Variants in ABL1 observed in about 807,000 individuals in gnomAD.
The protein encoded by ABL1 is ABL proto-oncogene 1, non-receptor tyrosine kinase.
In ABL1, 11 loss-of-function variants were observed where a neutral mutation model predicts 94.7. The observed-to-expected ratio is 0.12, with a 90% CI of 0.07 to 0.19. ABL1 has a LOEUF of 0.19. ABL1 is among the 10% of genes least tolerant of loss of function. ABL1 has a pLI of 1.00. For missense variants in ABL1, 1,082 were observed against 1,489.4 expected, an observed-to-expected ratio of 0.73 and a Z score of 4.50; for synonymous variants, 656 against 622.4, an observed-to-expected ratio of 1.05 and a Z score of -0.80.
chr9:130,866,859 G>T (rs1479315554), intron 4 of ABL1, among the ~76,000 whole-genome samples: 2 of 152,132 alleles, frequency 1.3e-5, no homozygotes, highest in African/African-American at 4.8e-5. Flanking sequence ...TTTTTGAGGT[G>T]GGGGAACGGG....
intron 1 of ABL1, among the ~76,000 whole-genome samples, chr9:130,717,134 C>A (rs1245323888): frequency 1.3e-5 from 2 of 152,024 alleles, no homozygotes; most frequent in Non-Finnish European, 1.5e-5. Context: ...CCTCCACCTC[C>A]CAGGTTTAAG....
In ABL1 at chr9:130,749,304, C is replaced by T. The variant is rs369459480; in HGVS notation, c.136+34849C>T. Among the ~76,000 whole-genome samples the T allele has an allele frequency of 1.2e-4, 19 of 152,176 alleles. 3 individuals carry two copies. The highest frequency in any genetic ancestry group is 5.9e-4 in the Admixed American group (9 of 15,278). On this transcript the variant is annotated intron_variant, in intron 1 of 10. Coordinates refer to the ABL1 transcript ENST00000372348. ...AGGCAATGCAGAGTAGAATAATGAA[C>T]GGATACTATAAATGACATATCTTGA...
intron 7 of ABL1, among the ~76,000 whole-genome samples, chr9:130,877,938 G>A (rs553740102): frequency 4.0e-5 from 6 of 151,606 alleles, no homozygotes; most frequent in East Asian, 3.9e-4. Context: ...TCAGCCTCCC[G>A]AGTAGCTGGG....
In ABL1 at chr9:130,725,526, A is replaced by G. The variant is rs150122557; in HGVS notation, c.136+11071A>G. Among the ~76,000 whole-genome samples the G allele has an allele frequency of 8.0e-3, 1,222 of 152,146 alleles. 16 individuals carry two copies. Among genetic ancestry groups the G allele is most frequent in the African/African-American group, 0.027 (1,133 of 41,526 alleles). ...CTCCCAAGTAGCTGGGATTACAGGC[A>G]TGTGCCACCATGCCTGGCTAATTTT... On this transcript the variant is annotated intron_variant, in intron 1 of 10. Transcript: ENST00000372348.
intron 1 of ABL1, among the ~76,000 whole-genome samples, chr9:130,783,504 T>C (rs1564288897): frequency 6.6e-6 from 1 of 152,194 alleles, no homozygotes; most frequent in Non-Finnish European, 1.5e-5. Context: ...TAAGTGGCTG[T>C]GAATTAGAAA....
chr9:130,883,629 C>G (rs1375079235), intron 10 of ABL1, among the ~76,000 whole-genome samples: 1 of 152,148 alleles, frequency 6.6e-6, no homozygotes, highest in East Asian at 1.9e-4. Flanking sequence ...ACCCACATCA[C>G]TCTCTAGTGA....
chr9:130,790,465 T>TTTTA (rs57807270), intron 1 of ABL1, among the ~76,000 whole-genome samples: 29,463 of 147,752 alleles, frequency 0.2, 3,313 homozygotes, highest in East Asian at 0.37. Flanking sequence ...TTCATTTTTA[T>TTTTA]TTTATTTATT....
At position 130,880,752 on chromosome 9, in the gene ABL1, T is replaced by C; in HGVS notation, c.1678+88T>C. The C allele has an allele frequency of 6.7e-7, 1 of 1,483,210 alleles. No homozygotes were observed. The highest frequency in any genetic ancestry group is 9.1e-7 in the Non-Finnish European group (1 of 1,101,742). The allele number at this position is 1,483,210 out of a possible 1,614,324, so 91.9% of individuals were successfully genotyped here. A position where few individuals can be genotyped will look rare whatever the true frequency, so the allele number is the denominator to read the frequency against. ...GCCATCATAGGCCAACGGGAAGCTG[T>C]GAATGGAGCCCGCACAGAAGGGCAG... On this transcript the variant is annotated intron_variant, in intron 10 of 10. Coordinates refer to ENST00000318560, the MANE Select transcript of ABL1 (RefSeq NM_005157.6). The surrounding 1 kb of genome is among the most constrained non-coding windows in gnomAD (Gnocchi z 4.4).
chr9:130,720,909 G>A (rs1239987335), intron 1 of ABL1, among the ~76,000 whole-genome samples: 1 of 151,794 alleles, frequency 6.6e-6, no homozygotes, highest in East Asian at 1.9e-4. Flanking sequence ...GAAGAATAGA[G>A]TTGCCTTTTA....
intron 1 of ABL1, among the ~76,000 whole-genome samples, chr9:130,853,010 G>T (rs1040593837): frequency 5.9e-5 from 9 of 152,046 alleles, no homozygotes; most frequent in African/African-American, 2.2e-4. Context: ...GGCAGTGAAG[G>T]TGTGCGTCTG....
intron 1 of ABL1, among the ~76,000 whole-genome samples, chr9:130,758,559 A>G (rs546437277): frequency 6.6e-6 from 1 of 152,108 alleles, no homozygotes; most frequent in South Asian, 2.1e-4. Flanking sequence ...CAGCCTCCCA[A>G]GTAGCTGAGA....
At chr9:130,733,733 C>G (rs1288159303) in intron 1 of ABL1, among the ~76,000 whole-genome samples, 1 of 151,548 alleles carries the variant, frequency 6.6e-6, no homozygotes, top group Non-Finnish European at 1.5e-5. Context: ...CGCCCGCCAC[C>G]GCGCCTGCCA....
At chr9:130,829,938 A>G (rs2132893772) in intron 1 of ABL1, among the ~76,000 whole-genome samples, 1 of 152,318 alleles carries the variant, frequency 6.6e-6, no homozygotes, top group Admixed American at 6.5e-5. Context: ...AGAAAGAGCA[A>G]GATGATGTTA....
At chr9:130,861,415 G>A (rs184754618) in intron 3 of ABL1, among the ~76,000 whole-genome samples, 1 of 152,246 alleles carries the variant, frequency 6.6e-6, no homozygotes, top group East Asian at 1.9e-4. Flanking sequence ...TTGTCAATGG[G>A]ACTAACTTGT....
chr9:130,795,476 T>C (rs138157186), intron 1 of ABL1, among the ~76,000 whole-genome samples: 1 of 152,192 alleles, frequency 6.6e-6, no homozygotes, highest in South Asian at 2.1e-4. Flanking sequence ...ATCACACTTA[T>C]GAATTACGTT....
At chr9:130,740,853 G>T (rs2789768) in intron 1 of ABL1, among the ~76,000 whole-genome samples, 5 of 140,926 alleles carry the variant, frequency 3.5e-5, no homozygotes, top group Admixed American at 1.5e-4. Context: ...GTAGAGAAGG[G>T]TCTCACTCTG....
At chr9:130,775,196 A>G (rs1363988702) in intron 1 of ABL1, among the ~76,000 whole-genome samples, 5 of 152,196 alleles carry the variant, frequency 3.3e-5, no homozygotes, top group African/African-American at 4.8e-5. Flanking sequence ...TTAACACCAG[A>G]TTCCCAAAGA....
At chr9:130,752,845 G>A (rs1193141745) in intron 1 of ABL1, among the ~76,000 whole-genome samples, 1 of 152,074 alleles carries the variant, frequency 6.6e-6, no homozygotes, top group Non-Finnish European at 1.5e-5. Flanking sequence ...TGTAATCCCA[G>A]CTACTAGGGA....
intron 1 of ABL1, among the ~76,000 whole-genome samples, chr9:130,802,738 G>A (rs188853659): frequency 3.3e-5 from 5 of 152,294 alleles, no homozygotes; most frequent in Non-Finnish European, 7.3e-5. Context: ...TTGTCCCACT[G>A]TCTTGCTTCT....
Sources: allele counts gnomAD v4.1 joint callset (sites outside exome capture counted in the v4.1 genomes callset), GRCh38; gene constraint gnomAD v4.1.1; non-coding constraint Gnocchi (gnomAD v3.1); transcripts MANE v1.5; gene names NCBI Gene and HGNC (gene_info 2026-07-23, HGNC 2026-07-21).